Variants in CNTN4 observed in about 807,000 individuals in gnomAD.
CNTN4 encodes the protein contactin 4, also known as contactin-4.
A neutral mutation model predicts 122.5 loss-of-function variants in CNTN4; 77 were observed. The ratio of observed to expected loss-of-function variants is 0.63; its 90% CI spans 0.52 to 0.76. The LOEUF (loss-of-function observed/expected upper bound fraction) is 0.76. Among genes scored for constraint, CNTN4 ranks in the 30% least tolerant of loss-of-function variants. CNTN4 has a pLI of 0.00. For synonymous variants in CNTN4, 512 were observed against 447.0 expected (o/e 1.15, Z -1.83); for missense variants, 1,256 against 1,259.1 (o/e 1.00, Z 0.04).
chr3:2,359,839 G>A (rs547171507), intron 3 of CNTN4, among the ~76,000 whole-genome samples: 1 of 152,226 alleles, frequency 6.6e-6, no homozygotes, highest in South Asian at 2.1e-4. Context: ...GCACCTGGCC[G>A]TATATATGAT....
intron 2 of CNTN4, among the ~76,000 whole-genome samples, chr3:2,201,946 T>A (rs1001529380): frequency 3.3e-5 from 5 of 152,082 alleles, no homozygotes; most frequent in African/African-American, 4.8e-5. Flanking sequence ...CTCAAACTCG[T>A]CTACACTTCC....
chr3:2,441,405 C>T (rs1406969019), intron 3 of CNTN4, among the ~76,000 whole-genome samples: 1 of 152,080 alleles, frequency 6.6e-6, no homozygotes, highest in Non-Finnish European at 1.5e-5. Context: ...CCATAGGACC[C>T]AAGAGAAATA....
chr3:2,767,920 A>C (rs1303011329), intron 6 of CNTN4, among the ~76,000 whole-genome samples: 1 of 152,216 alleles, frequency 6.6e-6, no homozygotes, highest in Non-Finnish European at 1.5e-5. Context: ...GCAGAATTTA[A>C]AATATTGTCA....
chr3:2,329,227 A>T (rs764003732), intron 2 of CNTN4, among the ~76,000 whole-genome samples: 2 of 152,190 alleles, frequency 1.3e-5, no homozygotes, highest in Non-Finnish European at 1.5e-5. Flanking sequence ...TTAAACTATG[A>T]TTTCTCCTAT....
intron 3 of CNTN4, among the ~76,000 whole-genome samples, chr3:2,466,970 C>CTTTCTTTTTTTTTTTT (rs1392656721): frequency 3.5e-5 from 4 of 115,810 alleles, no homozygotes; most frequent in African/African-American, 1.3e-4. Flanking sequence ...TTCTTTCTTT[C>CTTTCTTTTTTTTTTTT]TTTTTTTTTT....
At chr3:2,440,995 A>G (rs1221368611) in intron 3 of CNTN4, among the ~76,000 whole-genome samples, 1 of 150,670 alleles carries the variant, frequency 6.6e-6, no homozygotes, top group Non-Finnish European at 1.5e-5. Context: ...GTATATGTAT[A>G]TGTGTGTATA....
At chr3:3,030,777 T>C in intron 15 of CNTN4, 78 bp from the exon 16 acceptor site, 1 of 1,499,824 alleles carries the variant, frequency 6.7e-7, no homozygotes, top group Non-Finnish European at 9.3e-7. Context: ...AATCCATTAG[T>C]CACCGTGTCC....
intron 2 of CNTN4, among the ~76,000 whole-genome samples, chr3:2,109,173 A>G (rs921272702): frequency 2.6e-5 from 4 of 152,204 alleles, no homozygotes; most frequent in African/African-American, 9.7e-5. Context: ...ATAGTTCGGA[A>G]AGAGAAAATA....
intron 3 of CNTN4, among the ~76,000 whole-genome samples, chr3:2,564,472 C>A (rs2079075731): frequency 6.6e-6 from 1 of 152,078 alleles, no homozygotes; most frequent in Non-Finnish European, 1.5e-5. Context: ...CTAGGGATGA[C>A]AAAGACATAG....
chr3:2,306,042 G>T (rs1028969402), intron 2 of CNTN4, among the ~76,000 whole-genome samples: 1 of 152,074 alleles, frequency 6.6e-6, no homozygotes, highest in Non-Finnish European at 1.5e-5. Context: ...TCATTTGATG[G>T]ACTTTGGGGT....
intron 6 of CNTN4, among the ~76,000 whole-genome samples, chr3:2,761,433 G>A (rs942886981): frequency 3.9e-5 from 4 of 101,596 alleles, no homozygotes; most frequent in African/African-American, 1.2e-4. Flanking sequence ...CCTGGTAAGT[G>A]TAACCTGTGT....
intron 13 of CNTN4, among the ~76,000 whole-genome samples, chr3:2,942,918 T>A (rs1440617829): frequency 1.3e-5 from 2 of 152,174 alleles, no homozygotes; most frequent in African/African-American, 4.8e-5. Context: ...AGCTTTCCTC[T>A]AAGTGGATGT....
intron 2 of CNTN4, among the ~76,000 whole-genome samples, chr3:2,299,414 G>A (rs953475065): frequency 6.6e-5 from 10 of 151,978 alleles, no homozygotes; most frequent in South Asian, 2.1e-4. Context: ...TAGTGGACCC[G>A]TCACCCGAGT....
chr3:2,314,370 G>A (rs528100541), intron 2 of CNTN4, among the ~76,000 whole-genome samples: 10 of 152,004 alleles, frequency 6.6e-5, no homozygotes, highest in South Asian at 4.1e-4. Flanking sequence ...TTAATGAAAT[G>A]TTTATATAAT....
chr3:2,463,844 C>G (rs1393120072), intron 3 of CNTN4, among the ~76,000 whole-genome samples: 1 of 152,140 alleles, frequency 6.6e-6, no homozygotes, highest in Non-Finnish European at 1.5e-5. Context: ...TTCTTTGTGT[C>G]TGGTACTACG....
chr3:2,878,993 T>A (rs906054978), intron 8 of CNTN4, among the ~76,000 whole-genome samples: 43 of 152,160 alleles, frequency 2.8e-4, no homozygotes, highest in Admixed American at 1.2e-3. Flanking sequence ...GCCACCCAAA[T>A]GCCCATCAAC....
In CNTN4 at chr3:2,216,427, A is replaced by G. The variant is rs376676846; in HGVS notation, c.-145+115788A>G. On this transcript the variant is annotated intron_variant, in intron 2 of 24. Transcript: ENST00000418658. ...AGGAGGGAGAGCAGAAAAGATAACTATTAGGTACTGGGCTTAATTCCTGGG... is the reference window on the plus strand; with the variant it reads ...AGGAGGGAGAGCAGAAAAGATAACTGTTAGGTACTGGGCTTAATTCCTGGG... Among the ~76,000 whole-genome samples the G allele has an allele frequency of 3.9e-5, 6 of 152,272 alleles. 1 individual carries two copies. Among genetic ancestry groups the G allele is most frequent in the African/African-American group, 1.2e-4 (5 of 41,564 alleles).
chr3:2,592,110 G>A (rs1159186042), intron 4 of CNTN4, among the ~76,000 whole-genome samples: 2 of 151,940 alleles, frequency 1.3e-5, no homozygotes, highest in Non-Finnish European at 2.9e-5. Flanking sequence ...CAAAATCCTG[G>A]CCTCGAGCAG....
At chr3:2,484,141 T>A (rs2076080411) in intron 3 of CNTN4, among the ~76,000 whole-genome samples, 1 of 152,128 alleles carries the variant, frequency 6.6e-6, no homozygotes, top group Non-Finnish European at 1.5e-5. Flanking sequence ...TTTAAAAATC[T>A]GTTACATTAA....
Sources: gnomAD v4.1 joint callset for allele counts (sites outside exome capture counted in the v4.1 genomes callset) on GRCh38, gnomAD v4.1.1 for gene constraint, MANE v1.5 for transcripts, NCBI Gene and HGNC (gene_info 2026-07-23, HGNC 2026-07-21) for gene names.